SYT1: variants seen among roughly 807,000 people sequenced by gnomAD.
The protein encoded by SYT1 is synaptotagmin-1.
In SYT1, 8 loss-of-function variants were observed where a neutral mutation model predicts 44.8. The ratio of observed to expected loss-of-function variants is 0.18; its 90% CI spans 0.10 to 0.32. The LOEUF is 0.32. Ranked by LOEUF, SYT1 falls within the 10% of genes least tolerant of loss-of-function variation. SYT1 has a pLI of 1.00. For synonymous variants in SYT1, 154 were observed against 188.8 expected, an observed-to-expected ratio of 0.82 and a Z score of 1.51; for missense variants, 286 against 509.3, an observed-to-expected ratio of 0.56 and a Z score of 4.22.
At chr12:78,914,198 G>T (rs972871741) in intron 1 of SYT1, among the ~76,000 whole-genome samples, 1 of 151,766 alleles carries the variant, frequency 6.6e-6, no homozygotes, top group Non-Finnish European at 1.5e-5. Flanking sequence ...TTTCAAAGGG[G>T]CATTGGGAAA....
intron 2 of SYT1, among the ~76,000 whole-genome samples, chr12:79,014,580 G>A (rs1403510817): frequency 6.6e-6 from 1 of 152,094 alleles, no homozygotes; most frequent in Non-Finnish European, 1.5e-5. Flanking sequence ...TGGAGAGGAT[G>A]TGGAGAAATA....
intron 8 of SYT1, among the ~76,000 whole-genome samples, chr12:79,331,338 A>G (rs1881845647): frequency 6.6e-6 from 1 of 152,124 alleles, no homozygotes; most frequent in African/African-American, 2.4e-5. Context: ...TATATCTATG[A>G]TTCATCTCCT....
intron 3 of SYT1, among the ~76,000 whole-genome samples, chr12:79,096,112 A>T (rs1878112158): frequency 6.6e-6 from 1 of 151,932 alleles, no homozygotes; most frequent in Non-Finnish European, 1.5e-5. Context: ...GCCCACAGAA[A>T]GAATAGATCA....
At chr12:79,329,774 C>A (rs1297724242) in intron 8 of SYT1, among the ~76,000 whole-genome samples, 4 of 152,192 alleles carry the variant, frequency 2.6e-5, no homozygotes, top group Admixed American at 2.0e-4. Flanking sequence ...CTCTGTGTAA[C>A]CTAACAGGTG....
intron 1 of SYT1, among the ~76,000 whole-genome samples, chr12:78,938,945 T>A (rs1317805855): frequency 6.6e-6 from 1 of 152,154 alleles, no homozygotes; most frequent in East Asian, 1.9e-4. Flanking sequence ...CTAATGCTAT[T>A]CTTTGTTCAT....
intron 4 of SYT1, among the ~76,000 whole-genome samples, chr12:79,231,554 C>A (rs904830015): frequency 1.3e-5 from 2 of 151,856 alleles, no homozygotes; most frequent in African/African-American, 4.8e-5. Flanking sequence ...GATAAATATG[C>A]CATTTTCTGA....
At chr12:78,967,336 G>A (rs1868272846) in intron 1 of SYT1, among the ~76,000 whole-genome samples, 1 of 152,168 alleles carries the variant, frequency 6.6e-6, no homozygotes, top group Non-Finnish European at 1.5e-5. Context: ...AGAGGGCAGA[G>A]CAATGTGAAG....
In SYT1 at chr12:79,148,345, G is replaced by A. The variant is rs564470708; in HGVS notation, c.-17-69158G>A. Among the ~76,000 whole-genome samples, 5 of 152,184 alleles carry A rather than the reference G, an allele frequency of 3.3e-5. No homozygotes were observed. The South Asian group carries it at 8.3e-4, about 25-fold the overall frequency. On this transcript the variant is annotated intron_variant, in intron 3 of 10. Coordinates refer to ENST00000261205, the MANE Select transcript of SYT1 (RefSeq NM_005639.3). ...AATAATCAATTTAGGACAGACCATG[G>A]AAATATTTTTCAGTGATAATCTTTT...
At chr12:78,934,212 G>A (rs191952041) in intron 1 of SYT1, among the ~76,000 whole-genome samples, 204 of 151,638 alleles carry the variant, frequency 1.3e-3, no homozygotes, top group African/African-American at 3.8e-3. Flanking sequence ...GATATGGTCT[G>A]GCTGTGTCCC....
In SYT1 at chr12:79,173,884, C is replaced by T. The variant is rs139070951; in HGVS notation, c.-17-43619C>T. On this transcript the variant is annotated intron_variant, in intron 3 of 10. Transcript: ENST00000261205. ...TAAAGTGTTTACAGTTAGCAAGTGC[C>T]GTAATGTATATTTAACTTAATGTGG... Among the ~76,000 whole-genome samples the T allele has an allele frequency of 1.2e-3, 183 of 152,024 alleles. 2 individuals carry two copies. The highest frequency in any genetic ancestry group is 4.0e-3 in the African/African-American group (167 of 41,486).
At chr12:79,223,683 T>C (rs757990876) in intron 4 of SYT1, among the ~76,000 whole-genome samples, 16 of 152,128 alleles carry the variant, frequency 1.1e-4, no homozygotes, top group Non-Finnish European at 1.9e-4. Context: ...CCAAGACAAC[T>C]GATACCAACC....
At chr12:79,244,976 A>C (rs1011532095) in intron 4 of SYT1, among the ~76,000 whole-genome samples, 2 of 151,894 alleles carry the variant, frequency 1.3e-5, no homozygotes, top group Non-Finnish European at 1.5e-5. Flanking sequence ...ATTCCTGAAA[A>C]TTTTTTCCAC....
intron 3 of SYT1, among the ~76,000 whole-genome samples, chr12:79,149,236 A>G (rs945491389): frequency 6.6e-6 from 1 of 152,066 alleles, no homozygotes; most frequent in Non-Finnish European, 1.5e-5. Flanking sequence ...AAAAGATGTT[A>G]TTATGAAAGA....
At chr12:78,974,466 T>C (rs1868664282) in intron 1 of SYT1, among the ~76,000 whole-genome samples, 1 of 152,108 alleles carries the variant, frequency 6.6e-6, no homozygotes, top group Admixed American at 6.5e-5. Flanking sequence ...TGATGGAGTC[T>C]TGCTCTGTCG....
intron 9 of SYT1, among the ~76,000 whole-genome samples, chr12:79,358,466 G>A (rs2040998361): frequency 6.6e-6 from 1 of 152,140 alleles, no homozygotes; most frequent in African/African-American, 2.4e-5. Context: ...ACTTTCTGAA[G>A]ATAGCATTCT....
chr12:79,037,810 C>A (rs1377701582), intron 2 of SYT1, among the ~76,000 whole-genome samples: 7 of 151,700 alleles, frequency 4.6e-5, no homozygotes, highest in Non-Finnish European at 7.4e-5. Context: ...TTGATGAATT[C>A]TTTTTCTTTC....
chr12:78,912,217 CT>C (rs1266047352), intron 1 of SYT1, among the ~76,000 whole-genome samples: 5 of 151,766 alleles, frequency 3.3e-5, no homozygotes, highest in African/African-American at 9.7e-5. Context: ...CTTTCGTATT[CT>C]TTTTTTCTTC....
intron 3 of SYT1, among the ~76,000 whole-genome samples, chr12:79,214,470 CAA>C (rs1874656811): frequency 1.3e-5 from 2 of 152,216 alleles, no homozygotes; most frequent in East Asian, 1.9e-4. Flanking sequence ...CCCTGTTTAG[CAA>C]AAGTCTTATT....
At chr12:79,178,775 ATATT>A (rs1872064274) in intron 3 of SYT1, among the ~76,000 whole-genome samples, 1 of 150,006 alleles carries the variant, frequency 6.7e-6, no homozygotes, top group Non-Finnish European at 1.5e-5. Context: ...TTATTTATTT[ATATT>A]TATTTATTTA....
Sources: gnomAD v4.1 joint callset for allele counts (sites outside exome capture counted in the v4.1 genomes callset) on GRCh38, gnomAD v4.1.1 for gene constraint, MANE v1.5 for transcripts, NCBI Gene and HGNC (gene_info 2026-07-23, HGNC 2026-07-21) for gene names.